MSH4: variants seen among roughly 807,000 people sequenced by gnomAD.
The protein encoded by MSH4 is mutS protein homolog 4.
Under a neutral mutation model 113.7 loss-of-function variants are expected in MSH4, and 106 were observed. That is an observed-to-expected ratio of 0.93 (90% CI 0.80 to 1.10). The LOEUF (loss-of-function observed/expected upper bound fraction) is 1.10. Ranked by LOEUF, MSH4 falls within the 50% of genes least tolerant of loss-of-function variation. The probability of loss-of-function intolerance (pLI) is 0.00; values close to 1 mark genes in which losing one functional copy is unlikely to be tolerated. For missense variants in MSH4, 1,061 were observed against 1,093.7 expected, an observed-to-expected ratio of 0.97 and a Z score of 0.42; for synonymous variants, 368 against 380.2, an observed-to-expected ratio of 0.97 and a Z score of 0.37.
chr1:75,840,232 C>T (rs368436930), intron 7 of MSH4, among the ~76,000 whole-genome samples: 17 of 140,598 alleles, frequency 1.2e-4, no homozygotes, highest in Middle Eastern at 3.6e-3. Flanking sequence ...ATGTTTATTG[C>T]GGCACTATTC....
At chr1:75,838,524 G>C (rs934063599) in intron 7 of MSH4, among the ~76,000 whole-genome samples, 2 of 152,042 alleles carry the variant, frequency 1.3e-5, no homozygotes, top group African/African-American at 4.8e-5. Context: ...GGAGGGTGGT[G>C]GTTACCATAC....
Position 75,889,242 on chromosome 1 carries a change from AT to A in MSH4, c.2108-5del, listed in dbSNP as rs1305911857. 8.0e-7 allele frequency: 1 copy of A among 1,242,962 alleles called. No homozygotes were observed. Among genetic ancestry groups the A allele is most frequent in the South Asian group, 1.3e-5 (1 of 77,098 alleles). The allele number at this position is 1,242,962 out of a possible 1,614,324, so 77.0% of individuals were successfully genotyped here. On this transcript the variant is annotated splice_region_variant and splice_polypyrimidine_tract_variant and intron_variant, in intron 15 of 19. Coordinates refer to ENST00000263187, the MANE Select transcript of MSH4 (RefSeq NM_002440.4). ...ACATTTCAGTTTATCTTGACCTTAT[AT>A]TTTACAGGATCATATGTTCCAGCAG...
intron 8 of MSH4, among the ~76,000 whole-genome samples, chr1:75,863,257 C>A (rs1392267423): frequency 6.6e-6 from 1 of 151,900 alleles, no homozygotes; most frequent in Non-Finnish European, 1.5e-5. Context: ...AATTTATACT[C>A]CAATGTTATA....
At chr1:75,871,393 A>G (rs890402494) in intron 9 of MSH4, among the ~76,000 whole-genome samples, 1 of 152,204 alleles carries the variant, frequency 6.6e-6, no homozygotes, top group Non-Finnish European at 1.5e-5. Context: ...AATTTCTGTC[A>G]TCATAAAACT....
chr1:75,839,652 G>T (rs1204044217), intron 7 of MSH4, among the ~76,000 whole-genome samples: 3 of 151,720 alleles, frequency 2.0e-5, no homozygotes, highest in African/African-American at 7.3e-5. Flanking sequence ...GGCAACAAAA[G>T]CCAAAATTGA....
At chr1:75,896,579 C>T (rs979358894) in intron 17 of MSH4, among the ~76,000 whole-genome samples, 17 of 151,806 alleles carry the variant, frequency 1.1e-4, no homozygotes, top group African/African-American at 3.9e-4. Context: ...AAGTATTCTA[C>T]AATAGTTTAA....
chr1:75,882,674 A>ATT (rs1651960713), intron 14 of MSH4, among the ~76,000 whole-genome samples: 1 of 150,432 alleles, frequency 6.6e-6, no homozygotes, highest in African/African-American at 2.4e-5. Flanking sequence ...AAAAAAAAAA[A>ATT]AAAAAAAAAA....
At chr1:75,906,804 G>A (rs2100596544) in intron 19 of MSH4, among the ~76,000 whole-genome samples, 1 of 146,730 alleles carries the variant, frequency 6.8e-6, no homozygotes, top group South Asian at 2.2e-4. Context: ...AAAGGTGTCT[G>A]TAGTTACTAT....
intron 19 of MSH4, among the ~76,000 whole-genome samples, chr1:75,904,894 CA>C (rs1225597607): frequency 2.0e-5 from 3 of 151,982 alleles, no homozygotes; most frequent in African/African-American, 7.2e-5. Flanking sequence ...TAGTTGTTTA[CA>C]ATAGTCTCTA....
chr1:75,852,764 C>G (rs1350845812), intron 8 of MSH4, among the ~76,000 whole-genome samples: 1 of 151,938 alleles, frequency 6.6e-6, no homozygotes, highest in African/African-American at 2.4e-5. Flanking sequence ...TTTTGGATAC[C>G]AATCCCTTAT....
intron 8 of MSH4, among the ~76,000 whole-genome samples, chr1:75,863,949 G>A (rs1174936428): frequency 2.6e-5 from 4 of 151,976 alleles, no homozygotes; most frequent in Admixed American, 2.6e-4. Flanking sequence ...AACCACTCAC[G>A]TAAAGAAATA....
intron 17 of MSH4, among the ~76,000 whole-genome samples, chr1:75,893,306 A>T (rs2100584883): frequency 6.6e-6 from 1 of 152,304 alleles, no homozygotes; most frequent in Non-Finnish European, 1.5e-5. Context: ...GATTGCTGAA[A>T]ATCAAACCCA....
chr1:75,880,433 G>A (rs1052865950), intron 13 of MSH4, among the ~76,000 whole-genome samples: 1 of 152,006 alleles, frequency 6.6e-6, no homozygotes, highest in Non-Finnish European at 1.5e-5. Flanking sequence ...GCTTCGTTCA[G>A]TTTATTATTT....
chr1:75,848,794 T>C (rs1651129812), intron 8 of MSH4, among the ~76,000 whole-genome samples: 1 of 152,140 alleles, frequency 6.6e-6, no homozygotes, highest in South Asian at 2.1e-4. Context: ...ACTGATCAAA[T>C]ATTAAGGAGT....
intron 3 of MSH4, among the ~76,000 whole-genome samples, chr1:75,808,474 A>G (rs1351602822): frequency 2.0e-5 from 3 of 152,170 alleles, no homozygotes; most frequent in African/African-American, 7.2e-5. Context: ...TCTCAAATAA[A>G]TCCCCTTTTA....
At chr1:75,872,012 A>G (rs1361514884) in intron 9 of MSH4, among the ~76,000 whole-genome samples, 1 of 152,222 alleles carries the variant, frequency 6.6e-6, no homozygotes, top group Non-Finnish European at 1.5e-5. Flanking sequence ...CTTTTTAAGT[A>G]CCAATGTGAT....
chr1:75,835,528 A>C (rs1650809139), intron 7 of MSH4, among the ~76,000 whole-genome samples: 1 of 152,170 alleles, frequency 6.6e-6, no homozygotes, highest in Non-Finnish European at 1.5e-5. Context: ...ATGCATTTAT[A>C]CTTATCTACT....
At chr1:75,804,009 A>T in intron 2 of MSH4, 96 bp downstream of exon 2, 1 of 799,036 alleles carries the variant, frequency 1.3e-6, no homozygotes, top group Non-Finnish European at 1.8e-6. Flanking sequence ...GAATTTATCT[A>T]TAACTGATAT....
intron 14 of MSH4, among the ~76,000 whole-genome samples, chr1:75,883,161 C>T (rs551987181): frequency 5.2e-4 from 74 of 143,686 alleles, no homozygotes; most frequent in Non-Finnish European, 8.8e-4. Context: ...TGAGCCATTA[C>T]ACCTGGCTAA....
Sources: allele counts gnomAD v4.1 joint callset (sites outside exome capture counted in the v4.1 genomes callset), GRCh38; gene constraint gnomAD v4.1.1; transcripts MANE v1.5; gene names NCBI Gene and HGNC (gene_info 2026-07-23, HGNC 2026-07-21).